EFNA5: variants seen among roughly 807,000 people sequenced by gnomAD.
The protein encoded by EFNA5 is ephrin A5, also known as ephrin-A5.
A neutral mutation model predicts 22.9 loss-of-function variants in EFNA5; 5 were observed. That is an observed-to-expected ratio of 0.22 (90% CI 0.11 to 0.46). The LOEUF (loss-of-function observed/expected upper bound fraction) is 0.46. Ranked by LOEUF, EFNA5 falls within the 20% of genes least tolerant of loss-of-function variation. The pLI, the probability that EFNA5 is intolerant of heterozygous loss-of-function variation, is 0.99. For synonymous variants in EFNA5, 113 were observed against 112.2 expected (o/e 1.01, Z -0.04); for missense variants, 237 against 293.3 (o/e 0.81, Z 1.40).
intron 1 of EFNA5, among the ~76,000 whole-genome samples, chr5:107,548,759 T>C (rs1050646956): frequency 2.0e-5 from 3 of 152,172 alleles, no homozygotes; most frequent in African/African-American, 7.2e-5. Flanking sequence ...TCCTCATCTG[T>C]AGGAAGCAGT....
At chr5:107,600,189 A>G (rs1749563465) in intron 1 of EFNA5, among the ~76,000 whole-genome samples, 1 of 152,232 alleles carries the variant, frequency 6.6e-6, no homozygotes, top group African/African-American at 2.4e-5. Context: ...CAGAAGGGAA[A>G]TGAATGCCAA....
chr5:107,456,197 A>G (rs541160956), intron 1 of EFNA5, among the ~76,000 whole-genome samples: 104 of 152,254 alleles, frequency 6.8e-4, no homozygotes, highest in African/African-American at 2.3e-3. Flanking sequence ...GGAGGTGTCC[A>G]TATATATCAA....
intron 1 of EFNA5, among the ~76,000 whole-genome samples, chr5:107,597,679 C>T (rs1362715661): frequency 6.6e-6 from 1 of 152,114 alleles, no homozygotes. Context: ...TAAGTGTACT[C>T]AAGCCTTGTG....
chr5:107,531,678 C>A (rs1217501503), intron 1 of EFNA5, among the ~76,000 whole-genome samples: 1 of 152,168 alleles, frequency 6.6e-6, no homozygotes, highest in African/African-American at 2.4e-5. Context: ...GTGTTTTATT[C>A]CCCAACCTTA....
chr5:107,397,288 T>C (rs1747952947), intron 2 of EFNA5, among the ~76,000 whole-genome samples: 2 of 152,014 alleles, frequency 1.3e-5, no homozygotes, highest in African/African-American at 2.4e-5. Flanking sequence ...TGGTGGCTCA[T>C]GCCTGTAATC....
chr5:107,404,915 T>C (rs1748169592), intron 2 of EFNA5, among the ~76,000 whole-genome samples: 1 of 152,238 alleles, frequency 6.6e-6, no homozygotes, highest in South Asian at 2.1e-4. Context: ...ACATGCCCTA[T>C]GCATATTTTC....
At chr5:107,669,045 A>G (rs1011618565) in intron 1 of EFNA5, among the ~76,000 whole-genome samples, 3 of 151,958 alleles carry the variant, frequency 2.0e-5, no homozygotes, top group Non-Finnish European at 4.4e-5. Context: ...GACTAGCGGG[A>G]TAGGGGGAAC....
intron 1 of EFNA5, among the ~76,000 whole-genome samples, chr5:107,499,990 G>A (rs771573502): frequency 2.6e-5 from 4 of 152,132 alleles, no homozygotes; most frequent in Non-Finnish European, 5.9e-5. Context: ...GTTTCAACCC[G>A]GATCATTCAT....
At chr5:107,605,317 T>C (rs1440171101) in intron 1 of EFNA5, among the ~76,000 whole-genome samples, 1 of 152,116 alleles carries the variant, frequency 6.6e-6, no homozygotes, top group East Asian at 1.9e-4. Context: ...GCCGAGACCA[T>C]AACTCAGCAC....
At chr5:107,604,814 C>T (rs952678695) in intron 1 of EFNA5, among the ~76,000 whole-genome samples, 1 of 152,108 alleles carries the variant, frequency 6.6e-6, no homozygotes, top group African/African-American at 2.4e-5. Context: ...TCAAAAATCA[C>T]TCATCTATTC....
At chr5:107,397,215 C>T (rs750747195) in intron 2 of EFNA5, among the ~76,000 whole-genome samples, 3 of 152,096 alleles carry the variant, frequency 2.0e-5, no homozygotes, top group African/African-American at 4.8e-5. Flanking sequence ...TGTGCCAGTG[C>T]ACTCCAGCCC....
chr5:107,424,518 CT>C (rs1461234628), intron 2 of EFNA5, among the ~76,000 whole-genome samples: 1 of 151,774 alleles, frequency 6.6e-6, no homozygotes. Flanking sequence ...GCACAGCCAG[CT>C]TTCTTTTTTC....
At chr5:107,495,648 A>G (rs971295878) in intron 1 of EFNA5, among the ~76,000 whole-genome samples, 1 of 152,234 alleles carries the variant, frequency 6.6e-6, no homozygotes, top group African/African-American at 2.4e-5. Context: ...ACGAGGAAGT[A>G]TGACAAATAA....
chr5:107,645,481 TAA>T (rs1387338316), intron 1 of EFNA5, among the ~76,000 whole-genome samples: 1 of 152,250 alleles, frequency 6.6e-6, no homozygotes, highest in Non-Finnish European at 1.5e-5. Context: ...TTGGTATGTA[TAA>T]GAGTGTTTTT....
chr5:107,436,004 G>A (rs1394327316), intron 1 of EFNA5, among the ~76,000 whole-genome samples: 1 of 152,168 alleles, frequency 6.6e-6, no homozygotes, highest in East Asian at 1.9e-4. Flanking sequence ...TTGTATGTAT[G>A]TGTGTGCACT....
At chr5:107,551,108 T>C (rs528918692) in intron 1 of EFNA5, among the ~76,000 whole-genome samples, 2 of 152,346 alleles carry the variant, frequency 1.3e-5, no homozygotes, top group South Asian at 2.1e-4. Context: ...ACTCATTTCA[T>C]AGTCCTGGCC....
rs143594746 is a variant in EFNA5, at chr5:107,554,866, C to G, written c.125+115623G>C. On this transcript the variant is annotated intron_variant, in intron 1 of 4. Transcript: ENST00000333274. ...CGAGCCAAGATGCAAATTCCTACAC[C>G]CTGCACATCTTTGGAGGGACATTTA... Among the ~76,000 whole-genome samples, 321 of 152,276 alleles carry G rather than the reference C, an allele frequency of 2.1e-3. 1 individual carries two copies. Among genetic ancestry groups the G allele is most frequent in the African/African-American group, 7.5e-3 (311 of 41,552 alleles).
chr5:107,511,183 C>G (rs1248719056), intron 1 of EFNA5, among the ~76,000 whole-genome samples: 1 of 152,102 alleles, frequency 6.6e-6, no homozygotes, highest in Admixed American at 6.6e-5. Context: ...TGCGCCACCA[C>G]GCCTGGCTAA....
At chr5:107,442,721 G>A (rs983708777) in intron 1 of EFNA5, among the ~76,000 whole-genome samples, 1 of 151,770 alleles carries the variant, frequency 6.6e-6, no homozygotes, top group African/African-American at 2.4e-5. Flanking sequence ...AGCGAGCTAA[G>A]GAAAGCTCTA....
Sources: allele counts gnomAD v4.1 joint callset (sites outside exome capture counted in the v4.1 genomes callset), GRCh38; gene constraint gnomAD v4.1.1; transcripts MANE v1.5; gene names NCBI Gene and HGNC (gene_info 2026-07-23, HGNC 2026-07-21).